FRMPD3: variants seen among roughly 807,000 people sequenced by gnomAD.
The protein encoded by FRMPD3 is FERM and PDZ domain-containing protein 3.
FRMPD3 carries 42 observed loss-of-function variants against 97.9 expected under a neutral mutation model. That is an observed-to-expected ratio of 0.43 (90% confidence interval 0.34 to 0.55). The LOEUF (loss-of-function observed/expected upper bound fraction) is 0.55. FRMPD3 is among the 20% of genes least tolerant of loss of function. FRMPD3 has a pLI of 0.03. For missense variants in FRMPD3, 1,303 were observed against 1,457.7 expected, an observed-to-expected ratio of 0.89 and a Z score of 1.73; for synonymous variants, 577 against 581.1, an observed-to-expected ratio of 0.99 and a Z score of 0.10.
chrX:107,481,685 A>T (rs1357286245), intron 1 of FRMPD3, among the ~76,000 whole-genome samples: 2 of 111,901 alleles, frequency 1.8e-5, no homozygotes, highest in African/African-American at 6.5e-5. Flanking sequence ...GTCAGAATGA[A>T]TCCTTGGTGA....
At position 107,550,137 on chromosome X, in the gene FRMPD3, A is replaced by T. The variant is rs746240528; in HGVS notation, c.491A>T (p.Asp164Val). 8.4e-7 allele frequency: 1 copy of T among 1,192,307 alleles called. No homozygotes were observed. Among genetic ancestry groups the T allele is most frequent in the Non-Finnish European group, 1.1e-6 (1 of 879,801 alleles). Residue 164 changes from aspartate (D) to valine (V), a missense_variant, in exon 6 of 15, where the codon GAT becomes GTT. Coordinates refer to ENST00000683843, the MANE Select transcript of FRMPD3 (RefSeq NM_001388459.1). ...ENGQIKSFTF[D>V]GRTTVKDVML... ...GGGCAGATCAAGTCATTCACATTTG[A>T]TGGTCGGACCACTGTTAAGGTACAT...
chrX:107,577,162 TAAA>T (rs1170985688), intron 13 of FRMPD3, among the ~76,000 whole-genome samples: 2 of 32,067 alleles, frequency 6.2e-5, no homozygotes, highest in African/African-American at 1.9e-4. Flanking sequence ...CTGTCTCTAC[TAAA>T]AAAAAAAAAA....
At chrX:107,491,334 C>A (rs1175540902) in intron 1 of FRMPD3, among the ~76,000 whole-genome samples, 1 of 112,224 alleles carries the variant, frequency 8.9e-6, no homozygotes, top group Non-Finnish European at 1.9e-5. Flanking sequence ...TTACTGAGTT[C>A]TTATTATATG....
intron 12 of FRMPD3, among the ~76,000 whole-genome samples, chrX:107,575,707 T>G (rs1410176923): frequency 8.9e-6 from 1 of 112,303 alleles, no homozygotes; most frequent in Non-Finnish European, 1.9e-5. Context: ...TGCCTCGGCC[T>G]CCCAAAGTGC....
At chrX:107,584,058 G>C (rs1220115311) in intron 13 of FRMPD3, among the ~76,000 whole-genome samples, 1 of 109,219 alleles carries the variant, frequency 9.2e-6, no homozygotes, top group African/African-American at 3.3e-5. Context: ...GTAGAGATGG[G>C]GTTTCACCAT....
intron 1 of FRMPD3, among the ~76,000 whole-genome samples, chrX:107,454,775 A>G (rs573273693): frequency 8.9e-6 from 1 of 112,009 alleles, no homozygotes; most frequent in Admixed American, 9.4e-5. Context: ...CTAACCCTGT[A>G]TATTCTTCCA....
At chrX:107,578,122 C>T (rs1473885078) in intron 13 of FRMPD3, among the ~76,000 whole-genome samples, 1 of 111,751 alleles carries the variant, frequency 8.9e-6, no homozygotes, top group African/African-American at 3.3e-5. Context: ...ACTATACCTC[C>T]TACTGAACAG....
chrX:107,509,247 A>G (rs1922108167), intron 1 of FRMPD3, among the ~76,000 whole-genome samples: 2 of 112,414 alleles, frequency 1.8e-5, no homozygotes, highest in African/African-American at 6.5e-5. Flanking sequence ...ACCCTCTTCA[A>G]TGTGGGCATA....
chrX:107,473,977 C>T lies in FRMPD3; in HGVS notation c.-8+23972C>T, dbSNP rs950205694. On this transcript the variant is annotated intron_variant, in intron 1 of 14. Transcript: ENST00000683843. ...GTGGGCACCTGTAATCCCAGCTACT[C>T]GGGAGGCTGAGGCAGGAGAATTGCT... is the stretch of plus-strand genomic sequence containing the variant. Among the ~76,000 whole-genome samples the T allele has an allele frequency of 4.5e-5, 5 of 112,198 alleles. No homozygotes were observed. In the East Asian group the frequency reaches 8.4e-4, roughly 19 times the overall value.
At chrX:107,545,313 G>A (rs1380251295) in intron 4 of FRMPD3, 2 of 113,725 alleles carry the variant, frequency 1.8e-5, no homozygotes, top group Admixed American at 9.1e-5. Context: ...CTAGGGGCAG[G>A]ACATGTCTGT....
intron 12 of FRMPD3, 68 bp from the exon 13 acceptor site, chrX:107,576,247 A>G (rs893447611): frequency 8.9e-7 from 1 of 1,129,393 alleles, no homozygotes; most frequent in Non-Finnish European, 1.2e-6. Flanking sequence ...GCTAGCTACC[A>G]TGCCTCTGAA....
intron 4 of FRMPD3, among the ~76,000 whole-genome samples, chrX:107,538,201 A>G (rs930948590): frequency 1.8e-5 from 2 of 111,748 alleles, no homozygotes; most frequent in African/African-American, 6.5e-5. Flanking sequence ...TTTTAACACC[A>G]TAATTTATGT....
Position 107,601,359 on chromosome X carries a change from CGCA to C in FRMPD3, c.3323_3325del (p.Gln1108del). On this transcript the variant is annotated inframe_deletion, in exon 15 of 15. Transcript: ENST00000683843. The stretch of plus-strand genomic sequence containing the variant: ...ACCATCTCCAGCCAAGGGGAGAAGG[CGCA>C]GCTGGAGAGCACACCCAAAAGAAGC... 8.3e-7 allele frequency: 1 copy of C among 1,207,124 alleles called. No individual in the cohort carries two copies. The highest frequency in any genetic ancestry group is 1.1e-6 in the Non-Finnish European group (1 of 893,411).
chrX:107,542,349 A>G (rs1213018346), intron 4 of FRMPD3, among the ~76,000 whole-genome samples: 1 of 112,243 alleles, frequency 8.9e-6, no homozygotes, highest in Non-Finnish European at 1.9e-5. Context: ...CCTTTGGCTC[A>G]GGATGAGAAG....
intron 1 of FRMPD3, among the ~76,000 whole-genome samples, chrX:107,475,990 T>A (rs1921190245): frequency 8.9e-6 from 1 of 112,332 alleles, no homozygotes; most frequent in South Asian, 3.7e-4. Flanking sequence ...TTCAAGCGAT[T>A]CTCCTGCCTC....
At chrX:107,520,275 T>C (rs1315987215) in intron 1 of FRMPD3, among the ~76,000 whole-genome samples, 1 of 110,488 alleles carries the variant, frequency 9.1e-6, no homozygotes, top group Admixed American at 9.6e-5. Flanking sequence ...AGCATTGAAG[T>C]GGCCCTCAGC....
chrX:107,557,145 CT>C lies in FRMPD3; in HGVS notation c.762+2648del, dbSNP rs987676363. Among the ~76,000 whole-genome samples, 6 of 111,842 alleles carry C rather than the reference CT, an allele frequency of 5.4e-5. No homozygotes were observed. In the Admixed American group the frequency reaches 5.7e-4, roughly 11 times the overall value. ...ATCAGCACTTGGTATTTTCAGTATT[CT>C]TTTTTTACTTTAGTCATTCTGATAG... On this transcript the variant is annotated intron_variant, in intron 8 of 14. Coordinates refer to ENST00000683843, the MANE Select transcript of FRMPD3 (RefSeq NM_001388459.1).
chrX:107,533,644 A>T, intron 4 of FRMPD3, 94 bp downstream of exon 4: 1 of 790,563 alleles, frequency 1.3e-6, no homozygotes, highest in Non-Finnish European at 1.9e-6. Context: ...TTGGGGGTTC[A>T]GAGACTACAA....
At chrX:107,549,819 C>T (rs187256458) in intron 5 of FRMPD3, among the ~76,000 whole-genome samples, 2 of 111,264 alleles carry the variant, frequency 1.8e-5, no homozygotes, top group East Asian at 5.7e-4. Context: ...TGTGGGTGCT[C>T]CGTGATGTCA....
Sources: gnomAD v4.1 joint callset for allele counts (sites outside exome capture counted in the v4.1 genomes callset) on GRCh38, gnomAD v4.1.1 for gene constraint, MANE v1.5 for transcripts, NCBI Gene and HGNC (gene_info 2026-07-23, HGNC 2026-07-21) for gene names.